The following TXLNB variants were observed in gnomAD, a reference collection of about 807,000 sequenced individuals.
TXLNB encodes the protein beta-taxilin.
Under a neutral mutation model 57.4 loss-of-function variants are expected in TXLNB, and 37 were observed. That is an observed-to-expected ratio of 0.64 (90% confidence interval 0.50 to 0.85). The LOEUF (loss-of-function observed/expected upper bound fraction) is 0.85. TXLNB is among the 40% of genes least tolerant of loss of function. TXLNB has a pLI of 0.00. For synonymous variants in TXLNB, 302 were observed against 309.6 expected, an observed-to-expected ratio of 0.98 and a Z score of 0.26; for missense variants, 848 against 825.6, an observed-to-expected ratio of 1.03 and a Z score of -0.33.
At position 139,282,650 on chromosome 6, in the gene TXLNB, C is replaced by T. The variant is rs907287335; in HGVS notation, c.425-5729G>A. Reference sequence around the variant, plus strand: ...ATACTGATGTCCTAGTCAGGAGCCTCTCAGAAGGTACCACTGAAGCTCACT... The same window carrying T: ...ATACTGATGTCCTAGTCAGGAGCCTTTCAGAAGGTACCACTGAAGCTCACT... On this transcript the variant is annotated intron_variant, in intron 2 of 9. Transcript: ENST00000358430. Among the ~76,000 whole-genome samples the T allele has an allele frequency of 4.8e-5, 7 of 145,624 alleles. 1 individual carries two copies. Among genetic ancestry groups the T allele is most frequent in the Non-Finnish European group, 9.2e-5 (6 of 65,438 alleles).
chr6:139,261,901 CT>C (rs759412856), intron 5 of TXLNB, among the ~76,000 whole-genome samples: 2,122 of 117,824 alleles, frequency 0.018, 17 homozygotes, highest in African/African-American at 0.051. Flanking sequence ...AATACAGACT[CT>C]TTTTTTTTTT....
At chr6:139,174,940 T>G in the TXLNB span, among the ~76,000 whole-genome samples, 1 of 152,198 alleles carries the variant, frequency 6.6e-6, no homozygotes, top group African/African-American at 2.4e-5. Flanking sequence ...TAGCTTATAG[T>G]AAATTTCTAA....
In TXLNB at chr6:139,243,278, T is replaced by C; in HGVS notation, c.1303A>G (p.Met435Val). 3 of 1,612,650 alleles carry C rather than the reference T, an allele frequency of 1.9e-6. No homozygotes were observed. Among genetic ancestry groups the C allele is most frequent in the Non-Finnish European group, 2.5e-6 (3 of 1,179,972 alleles). The change falls in exon 10 of 10, where the codon ATG becomes GTG. Residue 435 changes from methionine to valine, a missense_variant. Physicochemically the swap from Met to Val is conservative, Grantham distance 21. Coordinates refer to ENST00000358430, the MANE Select transcript of TXLNB (RefSeq NM_153235.4). ...LRAKEYECFV[M>V]KIGRLENLCR... ...AGGTTCTCTAGCCTCCCGATTTTCATCACAAAGCACTCATATTCTTTAGCT... is the reference window on the plus strand; with the variant it reads ...AGGTTCTCTAGCCTCCCGATTTTCACCACAAAGCACTCATATTCTTTAGCT...
the TXLNB span, among the ~76,000 whole-genome samples, chr6:139,183,981 G>A: frequency 1.3e-5 from 2 of 152,296 alleles, no homozygotes; most frequent in South Asian, 2.1e-4. Context: ...CCAGGCAAGA[G>A]ACTTGGAGGA....
Position 139,288,596 on chromosome 6 carries a change from AGTCCCCATCCTCGTT to A in TXLNB, c.289_303del (p.Asn97_Asp101del). 1 of 1,614,144 alleles carries A rather than the reference AGTCCCCATCCTCGTT, an allele frequency of 6.2e-7. No homozygotes were observed. The highest frequency in any genetic ancestry group is 8.5e-7 in the Non-Finnish European group (1 of 1,180,018). ...CCAGCCTCTTCAGTTGTTTCCTCAC[AGTCCCCATCCTCGTT>A]GTCAGGTGATTCTGCATTCTCAGGC... On this transcript the variant is annotated inframe_deletion, in exon 2 of 10. Coordinates refer to ENST00000358430, the MANE Select transcript of TXLNB (RefSeq NM_153235.4).
the TXLNB span, chr6:139,174,657 G>T: frequency 7.0e-7 from 1 of 1,422,994 alleles, no homozygotes; most frequent in South Asian, 1.4e-5. Context: ...TGATGGCTGA[G>T]TTACTACTTG....
In TXLNB at chr6:139,247,227, T is replaced by C. The variant is rs188045662; in HGVS notation, c.1170+590A>G. On this transcript the variant is annotated intron_variant, in intron 8 of 9. Coordinates refer to ENST00000358430, the MANE Select transcript of TXLNB (RefSeq NM_153235.4). ...GCGTGATCTCACTCGCTGCAACCTC[T>C]GCCTCCCAGGTTCAAGCGATTCTCC... 1.5e-3 allele frequency among the ~76,000 whole-genome samples: 229 copies of C among 152,206 alleles called. 3 individuals carry two copies. The East Asian group carries it at 0.027, about 18-fold the overall frequency.
rs1776062027 is a variant in TXLNB at position 139,246,137 on chromosome 6, T to C, written c.1171-1447A>G. ...TTCTCAGGTCAACTACTAACGTCCA[T>C]AAATGGACCCAAGATTAAGAACTCC... is the stretch of plus-strand genomic sequence containing the variant. On this transcript the variant is annotated intron_variant, in intron 8 of 9. Transcript: ENST00000358430. 2.6e-5 allele frequency among the ~76,000 whole-genome samples: 4 copies of C among 152,212 alleles called. No homozygotes were observed. The South Asian group carries it at 8.3e-4, about 32-fold the overall frequency.
At chr6:139,278,317 T>A (rs903461605) in intron 2 of TXLNB, among the ~76,000 whole-genome samples, 3 of 152,158 alleles carry the variant, frequency 2.0e-5, no homozygotes, top group Admixed American at 2.0e-4. Context: ...ACTTTTTTTT[T>A]AAATGACCTC....
At chr6:139,212,631 C>T in the TXLNB span, among the ~76,000 whole-genome samples, 3 of 151,744 alleles carry the variant, frequency 2.0e-5, no homozygotes, top group East Asian at 1.9e-4. Context: ...CATAACAATA[C>T]TAACCTTAAA....
the TXLNB span, among the ~76,000 whole-genome samples, chr6:139,163,628 A>G: frequency 2.0e-5 from 3 of 152,194 alleles, no homozygotes; most frequent in African/African-American, 7.2e-5. Flanking sequence ...TGCTGGGATT[A>G]CAGGCGTGAG....
intron 4 of TXLNB, chr6:139,269,300 T>C (rs1389202351): frequency 6.6e-6 from 1 of 152,224 alleles, no homozygotes; most frequent in Non-Finnish European, 1.5e-5. Context: ...CCTATCTGAT[T>C]TAATTTTATC....
chr6:139,302,061 G>T, the TXLNB span, among the ~76,000 whole-genome samples: 2 of 151,406 alleles, frequency 1.3e-5, no homozygotes, highest in Non-Finnish European at 2.9e-5. Context: ...ATGCTTTATT[G>T]GGTAAAAGCA....
the TXLNB span, among the ~76,000 whole-genome samples, chr6:139,219,375 A>T: frequency 1.3e-4 from 20 of 152,194 alleles, no homozygotes; most frequent in Admixed American, 6.5e-5. Flanking sequence ...CCAGCGGTTC[A>T]GTAGGTGGCA....
chr6:139,242,535 G>A lies in TXLNB; in HGVS notation c.2046C>T (p.Gly682=), dbSNP rs994359706. The change falls in exon 10 of 10, where the codon GGC becomes GGT. Residue 682 remains glycine, a synonymous_variant. Coordinates refer to ENST00000358430, the MANE Select transcript of TXLNB (RefSeq NM_153235.4). The stretch of plus-strand genomic sequence containing the variant: ...GAAGGCACGGTGAGGCTTAGTCGAC[G>A]CCTTCCAGATTGGTGTCAGCCACGT... ...PRNVADTNLE[G]VD 2.7e-6 allele frequency: 4 copies of A among 1,501,212 alleles called. No individual in the cohort carries two copies. Among genetic ancestry groups the A allele is most frequent in the African/African-American group, 1.4e-5 (1 of 70,914 alleles). The allele number at this position is 1,501,212 out of a possible 1,614,324, so 93.0% of individuals were successfully genotyped here.
intron 4 of TXLNB, among the ~76,000 whole-genome samples, chr6:139,268,399 T>A (rs1444631264): frequency 6.6e-6 from 1 of 152,160 alleles, no homozygotes; most frequent in African/African-American, 2.4e-5. Context: ...TTAAAGCTAA[T>A]TGTTACTTAT....
intron 4 of TXLNB, among the ~76,000 whole-genome samples, chr6:139,268,529 GA>G (rs1361721535): frequency 6.6e-6 from 1 of 152,048 alleles, no homozygotes; most frequent in Non-Finnish European, 1.5e-5. Context: ...CTGGGTCAAA[GA>G]AAAAATTAGA....
chr6:139,315,339 G>A, the TXLNB span, among the ~76,000 whole-genome samples: 1,867 of 152,272 alleles, frequency 0.012, 41 homozygotes, highest in African/African-American at 0.042. Flanking sequence ...CTGGCTCTGC[G>A]TGAATTACTC....
intron 4 of TXLNB, among the ~76,000 whole-genome samples, chr6:139,263,418 A>C (rs907265839): frequency 2.0e-5 from 3 of 152,256 alleles, no homozygotes; most frequent in African/African-American, 7.2e-5. Context: ...AAGAACAATC[A>C]TTAAATGTGT....
Sources: gnomAD v4.1 joint callset for allele counts (sites outside exome capture counted in the v4.1 genomes callset) on GRCh38, gnomAD v4.1.1 for gene constraint, MANE v1.5 for transcripts, NCBI Gene and HGNC (gene_info 2026-07-23, HGNC 2026-07-21) for gene names.